Variants in KIFC2 observed in about 807,000 individuals in gnomAD.
KIFC2 encodes the protein kinesin family member C2, also known as kinesin-like protein KIFC2.
Under a neutral mutation model 91.5 loss-of-function variants are expected in KIFC2, and 94 were observed. That is an observed-to-expected ratio of 1.03 (90% CI 0.87 to 1.22). KIFC2 has a LOEUF of 1.22. KIFC2 is among the 50% of genes most tolerant of loss of function. The pLI is 0.00. For missense variants in KIFC2, 1,357 were observed against 1,103.3 expected (o/e 1.23, Z -3.26); for synonymous variants, 729 against 503.9 (o/e 1.45, Z -5.98).
intron 7 of KIFC2, 32 bp from the exon 8 acceptor site, chr8:144,468,296 TC>T (rs1824771859): frequency 5.1e-6 from 8 of 1,572,310 alleles, no homozygotes; most frequent in Non-Finnish European, 6.9e-6. Context: ...ACCGTCCCTC[TC>T]TGAGTCCCTC....
chr8:144,470,305 T>A (rs1310841680), intron 12 of KIFC2, among the ~76,000 whole-genome samples: 1 of 152,138 alleles, frequency 6.6e-6, no homozygotes, highest in Non-Finnish European at 1.5e-5. Flanking sequence ...ATCCCACACA[T>A]CCCTCTGGCC....
chr8:144,466,473 G>C lies in KIFC2; in HGVS notation c.54G>C (p.Arg18Ser), dbSNP rs762237807. The C allele has an allele frequency of 4.6e-5, 62 of 1,345,340 alleles. No individual in the cohort carries two copies. The highest frequency in any genetic ancestry group is 5.6e-5 in the Non-Finnish European group (58 of 1,038,522). 83.3% of individuals were successfully genotyped at this position (1,345,340 alleles called of 1,614,324 possible). A position where few individuals can be genotyped will look rare whatever the true frequency, so the allele number is the denominator to read the frequency against. ...ACATCTTCTACAGCCTCTTCCGCAGGGATGGTGGCGCCGCGGCGGCCGCGG... is the reference window on the plus strand; with the variant it reads ...ACATCTTCTACAGCCTCTTCCGCAGCGATGGTGGCGCCGCGGCGGCCGCGG... ...LIYIFYSLFR[R>S]DGGAAAAAEP... The change falls in exon 1 of 18, where the codon AGG (arginine) becomes AGC (serine). Residue 18 changes from arginine (R) to serine (S), a missense_variant. Arg to Ser is a moderately radical substitution (Grantham distance 110). Transcript: ENST00000645548.
chr8:144,468,523 T>A lies in KIFC2; in HGVS notation c.889-13T>A. ...TGTTTCCTCAGTGACAGGGGTGGGG[T>A]TGGGCGGGGCAGCTGGGGGTGCAGG... On this transcript the variant is annotated splice_polypyrimidine_tract_variant and intron_variant, in intron 8 of 17. Coordinates refer to ENST00000645548, the MANE Select transcript of KIFC2 (RefSeq NM_001369769.2). 1.3e-5 allele frequency: 8 copies of A among 617,590 alleles called. No homozygotes were observed. Among genetic ancestry groups the A allele is most frequent in the Non-Finnish European group, 1.8e-5 (8 of 435,686 alleles). 38.3% of individuals were successfully genotyped at this position (617,590 alleles called of 1,614,324 possible).
At position 144,474,075 on chromosome 8, in the gene KIFC2, C is replaced by G. The variant is rs537111394; in HGVS notation, c.*686C>G. The G allele has an allele frequency of 3.1e-4, 192 of 619,762 alleles. No homozygotes were observed. The highest frequency in any genetic ancestry group is 2.7e-3 in the African/African-American group (147 of 54,274). 38.4% of individuals were successfully genotyped at this position (619,762 alleles called of 1,614,324 possible). On this transcript the variant is annotated 3_prime_UTR_variant, in exon 18 of 18. Coordinates refer to ENST00000645548, the MANE Select transcript of KIFC2 (RefSeq NM_001369769.2). ...GTGAGGGTTGTGCCCAGCTGGGCCA[C>G]GGCCATGCGTGGGGTGGCCCAATAA...
chr8:144,469,354 C>T lies in KIFC2; in HGVS notation c.1197C>T (p.Cys399=), dbSNP rs1300457080. The T allele has an allele frequency of 5.6e-6, 9 of 1,609,784 alleles. No individual in the cohort carries two copies. Among genetic ancestry groups the T allele is most frequent in the Admixed American group, 3.4e-5 (2 of 59,214 alleles). ...GGCAGCAAGGGCCCCCAGCCGGATG[C>T]CCAGGGCGGCTGCCAGAACTCAAGG... ...PEGQQGPPAG[C]PGRLPELKGN... Residue 399 remains cysteine, a synonymous_variant, in exon 11 of 18, where the codon TGC becomes TGT. Transcript: ENST00000645548.
Position 144,473,478 on chromosome 8 carries a change from G to T in KIFC2, c.*89G>T, listed in dbSNP as rs777539592. 2.1e-6 allele frequency: 3 copies of T among 1,452,744 alleles called. No homozygotes were observed. The highest frequency in any genetic ancestry group is 1.4e-5 in the South Asian group (1 of 70,382). 90.0% of individuals were successfully genotyped at this position (1,452,744 alleles called of 1,614,324 possible). A position where few individuals can be genotyped will look rare whatever the true frequency, so the allele number is the denominator to read the frequency against. The stretch of plus-strand genomic sequence containing the variant: ...AAGTCCCTGTACCCCGTCTCCCAGG[G>T]CACAAGCTCCCTAGCCTCTTTGGAT... On this transcript the variant is annotated 3_prime_UTR_variant, in exon 18 of 18. Coordinates refer to ENST00000645548, the MANE Select transcript of KIFC2 (RefSeq NM_001369769.2).
intron 10 of KIFC2, among the ~76,000 whole-genome samples, 168 bp from the exon 11 acceptor site, chr8:144,469,103 T>A (rs994550256): frequency 6.6e-6 from 1 of 152,196 alleles, no homozygotes; most frequent in Non-Finnish European, 1.5e-5. Flanking sequence ...GGCTTTATCC[T>A]GGGGTTACTC....
Position 144,472,654 on chromosome 8 carries a change from G to T in KIFC2, c.1809G>T (p.Leu603=). The change falls in exon 16 of 18, where the codon CTG becomes CTT. Residue 603 remains leucine, a synonymous_variant. Transcript: ENST00000645548. ...MNQRSSRSHA[L]VTLTLRAASP... is the part of the protein sequence containing the mutation. ...AGCGCAGCTCCCGCTCGCATGCCCT[G>T]GTCACGCTGACGCTGCGCGCGGCGT... 1 of 1,599,784 alleles carries T rather than the reference G, an allele frequency of 6.3e-7. No homozygotes were observed.
chr8:144,471,054 C>T lies in KIFC2; in HGVS notation c.1381-888C>T, dbSNP rs532088812. Among the ~76,000 whole-genome samples the T allele has an allele frequency of 1.1e-4, 16 of 151,522 alleles. No individual in the cohort carries two copies. In the South Asian group the frequency reaches 3.3e-3, roughly 32 times the overall value. ...TCTCGGCTCACTGCAACCTCCGCCT[C>T]CTGGGTTCAAGCAATTCTCCTGCTT... is the stretch of plus-strand genomic sequence containing the variant. On this transcript the variant is annotated intron_variant, in intron 12 of 17. Coordinates refer to ENST00000645548, the MANE Select transcript of KIFC2 (RefSeq NM_001369769.2).
chr8:144,466,946 C>T lies in KIFC2; in HGVS notation c.179-13C>T, dbSNP rs747267011. ...GACCCGAAATGTCTCCCGCCCTCCT[C>T]CCTGACCGGCAGCCAGCTCCGAGCC... On this transcript the variant is annotated splice_polypyrimidine_tract_variant and intron_variant, in intron 2 of 17. Coordinates refer to ENST00000645548, the MANE Select transcript of KIFC2 (RefSeq NM_001369769.2). The T allele has an allele frequency of 3.5e-5, 56 of 1,588,222 alleles. No individual in the cohort carries two copies. Among genetic ancestry groups the T allele is most frequent in the East Asian group, 9.0e-5 (4 of 44,446 alleles).
rs781209210 is a variant in KIFC2, at chr8:144,467,792, G to A, written c.681+13G>A. 3.1e-6 allele frequency: 5 copies of A among 1,613,550 alleles called. No homozygotes were observed. Among genetic ancestry groups the A allele is most frequent in the African/African-American group, 1.3e-5 (1 of 74,940 alleles). ...GCGCCTGGGCGTGGTGAGGCTGCAG[G>A]GAGACCTGGCAGGGCCGGGCATGGA... is the stretch of plus-strand genomic sequence containing the variant. On this transcript the variant is annotated intron_variant, in intron 6 of 17. Coordinates refer to ENST00000645548, the MANE Select transcript of KIFC2 (RefSeq NM_001369769.2).
At chr8:144,466,283 C>T (rs1375535392), upstream of KIFC2, 9 of 224,492 alleles carry the variant, frequency 4.0e-5, 1 homozygote, top group Admixed American at 2.9e-4. Flanking sequence ...CCCGCGCTCG[C>T]CTTCCAGCCG....
intron 1 of KIFC2, 102 bp downstream of exon 1, chr8:144,466,620 G>C (rs1824650317): frequency 2.3e-6 from 2 of 870,536 alleles, no homozygotes. Context: ...GGGGCGACGG[G>C]GCCGTGCCGA....
Position 144,467,863 on chromosome 8 carries a change from C to G in KIFC2, c.686C>G (p.Ala229Gly). Residue 229 changes from alanine (A) to glycine (G), a missense_variant, in exon 7 of 18, where the codon GCG becomes GGG. By Grantham distance (60) the Ala-to-Gly change is moderately conservative. Coordinates refer to ENST00000645548, the MANE Select transcript of KIFC2 (RefSeq NM_001369769.2). ...CCGAGGTTTCCTCTCCACCAGGGGG[C>G]GACGGACTCAGAGAAAAGGGTTCAG... ...ELGRLRLGVG[A>G]TDSEKRVQHL... 1 of 1,613,322 alleles carries G rather than the reference C, an allele frequency of 6.2e-7. No homozygotes were observed. The highest frequency in any genetic ancestry group is 8.5e-7 in the Non-Finnish European group (1 of 1,179,776).
intron 12 of KIFC2, among the ~76,000 whole-genome samples, chr8:144,471,675 C>A (rs901541036): frequency 6.6e-6 from 1 of 152,188 alleles, no homozygotes; most frequent in Non-Finnish European, 1.5e-5. Flanking sequence ...ACGTGGTCTT[C>A]AGGACTCCAG....
chr8:144,473,493 C>G lies in KIFC2; in HGVS notation c.*104C>G. On this transcript the variant is annotated 3_prime_UTR_variant, in exon 18 of 18. Transcript: ENST00000645548. ...GTCTCCCAGGGCACAAGCTCCCTAG[C>G]CTCTTTGGATCCATTGCCCCTGAGC... 1 of 1,431,946 alleles carries G rather than the reference C, an allele frequency of 7.0e-7. No individual in the cohort carries two copies. The highest frequency in any genetic ancestry group is 1.5e-5 in the South Asian group (1 of 67,580). 88.7% of individuals were successfully genotyped at this position (1,431,946 alleles called of 1,614,324 possible). A position where few individuals can be genotyped will look rare whatever the true frequency, so the allele number is the denominator to read the frequency against.
Position 144,473,449 on chromosome 8 carries a change from A to T in KIFC2, c.*60A>T, listed in dbSNP as rs1206778507. 2 of 1,517,646 alleles carry T rather than the reference A, an allele frequency of 1.3e-6. No homozygotes were observed. Among genetic ancestry groups the T allele is most frequent in the Admixed American group, 4.1e-5 (2 of 49,222 alleles). The allele number at this position is 1,517,646 out of a possible 1,614,324, so 94.0% of individuals were successfully genotyped here. A position where few individuals can be genotyped will look rare whatever the true frequency, so the allele number is the denominator to read the frequency against. On this transcript the variant is annotated 3_prime_UTR_variant, in exon 18 of 18. Transcript: ENST00000645548. ...CCAGGTCTCTGCTGGCAGAGGCGGT[A>T]GTAAAGTCCCTGTACCCCGTCTCCC...
chr8:144,467,904 A>T lies in KIFC2; in HGVS notation c.727A>T (p.Asn243Tyr), dbSNP rs1445528361. 2.5e-6 allele frequency: 4 copies of T among 1,612,804 alleles called. No individual in the cohort carries two copies. Among genetic ancestry groups the T allele is most frequent in the Non-Finnish European group, 3.4e-6 (4 of 1,179,548 alleles). The stretch of plus-strand genomic sequence containing the variant: ...AAGGGTTCAGCATCTGACTCTGGAG[A>T]ACGAGGCCCTGAAGCAGAGCCTGAG... ...EKRVQHLTLENEALKQSLSLM... is the reference protein window; with the variant it reads ...EKRVQHLTLEYEALKQSLSLM... The change falls in exon 7 of 18, where the codon AAC (asparagine) becomes TAC (tyrosine). Residue 243 changes from asparagine (N) to tyrosine (Y), a missense_variant. Transcript: ENST00000645548.
chr8:144,473,178 A>G lies in KIFC2; in HGVS notation c.2165A>G (p.Lys722Arg). 6.3e-7 allele frequency: 1 copy of G among 1,580,102 alleles called. No individual in the cohort carries two copies. Among genetic ancestry groups the G allele is most frequent in the Non-Finnish European group, 8.6e-7 (1 of 1,163,834 alleles). Residue 722 changes from lysine to arginine, a missense_variant, in exon 18 of 18, where the codon AAG becomes AGG. Coordinates refer to ENST00000645548, the MANE Select transcript of KIFC2 (RefSeq NM_001369769.2). ...EDLGETVCSL[K>R]FADRVGQVEL... ...CTCGGGGAGACAGTCTGCTCCCTCAAGTTCGCCGACCGAGTGGGTCAAGTG... is the reference window on the plus strand; with the variant it reads ...CTCGGGGAGACAGTCTGCTCCCTCAGGTTCGCCGACCGAGTGGGTCAAGTG...
Sources: allele counts gnomAD v4.1 joint callset (sites outside exome capture counted in the v4.1 genomes callset), GRCh38; gene constraint gnomAD v4.1.1; transcripts MANE v1.5; gene names NCBI Gene and HGNC (gene_info 2026-07-23, HGNC 2026-07-21).